GRID2: variants seen among roughly 807,000 people sequenced by gnomAD.
GRID2 encodes the protein glutamate ionotropic receptor delta type subunit 2.
In GRID2, 33 loss-of-function variants were observed where a neutral mutation model predicts 114.8. That is an observed-to-expected ratio of 0.29 (90% CI 0.22 to 0.38). The LOEUF (loss-of-function observed/expected upper bound fraction) is 0.38. Ranked by LOEUF, GRID2 falls within the 10% of genes least tolerant of loss-of-function variation. The probability of loss-of-function intolerance (pLI) is 1.00; values close to 1 mark genes in which losing one functional copy is unlikely to be tolerated. For synonymous variants in GRID2, 505 were observed against 449.9 expected (o/e 1.12, Z -1.55); for missense variants, 1,184 against 1,257.7 (o/e 0.94, Z 0.89).
intron 1 of GRID2, among the ~76,000 whole-genome samples, chr4:93,787,151 A>C (rs549458744): frequency 1.3e-5 from 2 of 151,998 alleles, no homozygotes; most frequent in East Asian, 3.9e-4. Flanking sequence ...AAGAGAGAAC[A>C]TGGAGGATTG....
chr4:92,987,405 G>A lies in GRID2; in HGVS notation c.245-97590G>A, dbSNP rs548245581. Among the ~76,000 whole-genome samples the A allele has an allele frequency of 6.9e-3, 1,043 of 152,100 alleles. 7 individuals are homozygous for A. The highest frequency in any genetic ancestry group is 0.02 in the Middle Eastern group (6 of 294). On this transcript the variant is annotated intron_variant, in intron 2 of 15. Transcript: ENST00000282020. ...TCAGTGAAATTGCCAGAACAGTGAG[G>A]TTCCTTTGTTTCAACAACTATTATT...
chr4:92,761,991 C>A (rs1484754614), intron 2 of GRID2, among the ~76,000 whole-genome samples: 2 of 152,066 alleles, frequency 1.3e-5, no homozygotes, highest in African/African-American at 4.8e-5. Context: ...TGCAGTGGCA[C>A]AATCTTGGCT....
chr4:93,791,927 A>C (rs973266577), intron 1 of GRID2, among the ~76,000 whole-genome samples: 14 of 152,180 alleles, frequency 9.2e-5, no homozygotes, highest in Non-Finnish European at 1.8e-4. Flanking sequence ...TTAACGATGA[A>C]TAAGCCCATC....
intron 10 of GRID2, among the ~76,000 whole-genome samples, chr4:93,452,007 A>T (rs1285827055): frequency 6.6e-6 from 1 of 152,186 alleles, no homozygotes; most frequent in African/African-American, 2.4e-5. Flanking sequence ...CAGAGCTCAG[A>T]TACACATCTA....
At position 93,368,923 on chromosome 4, in the gene GRID2, G is replaced by A. The variant is rs1417884695; in HGVS notation, c.1246-26684G>A. 4.6e-5 allele frequency among the ~76,000 whole-genome samples: 7 copies of A among 151,806 alleles called. No individual in the cohort carries two copies. In the East Asian group the frequency reaches 1.3e-3, roughly 29 times the overall value. ...TTTCATCTAAAAAGAGAGAGAGAAA[G>A]TTTTAGTTATTGATTCAACATGTAT... On this transcript the variant is annotated intron_variant, in intron 8 of 15. Transcript: ENST00000282020.
intron 8 of GRID2, among the ~76,000 whole-genome samples, chr4:93,309,189 ACCT>A (rs977884718): frequency 6.6e-6 from 1 of 151,998 alleles, no homozygotes; most frequent in African/African-American, 2.4e-5. Flanking sequence ...TTGTTTCCTC[ACCT>A]CCTAAAATAG....
chr4:92,765,767 C>T (rs1209952380), intron 2 of GRID2, among the ~76,000 whole-genome samples: 4 of 152,158 alleles, frequency 2.6e-5, no homozygotes, highest in Non-Finnish European at 5.9e-5. Context: ...GTGGTGCCCT[C>T]ACTTTATCCA....
intron 4 of GRID2, among the ~76,000 whole-genome samples, chr4:93,197,048 A>G (rs778381137): frequency 2.0e-5 from 3 of 152,162 alleles, no homozygotes; most frequent in Non-Finnish European, 2.9e-5. Flanking sequence ...TTTAAGGCAA[A>G]TAGTCATGGA....
intron 13 of GRID2, among the ~76,000 whole-genome samples, chr4:93,591,146 G>T (rs572475456): frequency 2.1e-5 from 3 of 142,272 alleles, no homozygotes; most frequent in African/African-American, 7.7e-5. Context: ...TTTTCAAAGG[G>T]AATGCTTCCA....
intron 2 of GRID2, among the ~76,000 whole-genome samples, chr4:92,942,668 C>A (rs376256823): frequency 1.3e-5 from 2 of 152,066 alleles, no homozygotes; most frequent in Non-Finnish European, 2.9e-5. Flanking sequence ...CTAGCCTTGA[C>A]GGTCTTTACA....
intron 2 of GRID2, among the ~76,000 whole-genome samples, chr4:92,905,428 CTAAA>C (rs913763967): frequency 6.6e-6 from 1 of 150,896 alleles, no homozygotes; most frequent in Admixed American, 6.6e-5. Flanking sequence ...AGGTAATAAA[CTAAA>C]TAACTACATT....
chr4:93,790,834 G>A (rs936479610), intron 1 of GRID2, among the ~76,000 whole-genome samples: 7 of 152,264 alleles, frequency 4.6e-5, no homozygotes, highest in Admixed American at 4.6e-4. Flanking sequence ...GCTACCCTAG[G>A]CAAGTTACTG....
At chr4:92,840,543 A>C (rs1022690851) in intron 2 of GRID2, among the ~76,000 whole-genome samples, 6 of 152,128 alleles carry the variant, frequency 3.9e-5, no homozygotes, top group African/African-American at 7.2e-5. Flanking sequence ...TTTGAAACTC[A>C]GTTACTTACA....
rs1377054674 is a variant in GRID2 at position 92,989,286 on chromosome 4, A to T, written c.245-95709A>T. The stretch of plus-strand genomic sequence containing the variant: ...AGCGAGACTCCATCTCAAAAAAAAA[A>T]AAAAAAAAAAAAAAAATAATAATAA... On this transcript the variant is annotated intron_variant, in intron 2 of 15. Transcript: ENST00000282020. Among the ~76,000 whole-genome samples the T allele has an allele frequency of 6.0e-4, 86 of 144,528 alleles. 1 individual carries two copies. The highest frequency in any genetic ancestry group is 2.2e-3 in the African/African-American group (84 of 38,704). The allele number at this position is 144,528 out of a possible 152,430, so 94.8% of individuals were successfully genotyped here.
In GRID2 at chr4:93,506,862, A is replaced by G. The variant is rs146074506; in HGVS notation, c.1998-8354A>G. 4.9e-3 allele frequency among the ~76,000 whole-genome samples: 748 copies of G among 152,248 alleles called. 5 individuals are homozygous for G. The highest frequency in any genetic ancestry group is 0.017 in the African/African-American group (708 of 41,568). ...TCCAAAGGCTTCTGCTGTGTTGAGG[A>G]GGAAGAGACTCTGGCACCATAACAG... On this transcript the variant is annotated intron_variant, in intron 12 of 15. Coordinates refer to ENST00000282020, the MANE Select transcript of GRID2 (RefSeq NM_001510.4).
At chr4:92,482,139 A>T (rs1237049216) in intron 1 of GRID2, among the ~76,000 whole-genome samples, 1 of 150,570 alleles carries the variant, frequency 6.6e-6, no homozygotes, top group Non-Finnish European at 1.5e-5. Flanking sequence ...CAGCCATAAA[A>T]AAACAGTGAA....
At chr4:92,711,183 T>C (rs1735227321) in intron 2 of GRID2, among the ~76,000 whole-genome samples, 1 of 152,228 alleles carries the variant, frequency 6.6e-6, no homozygotes, top group East Asian at 1.9e-4. Flanking sequence ...AGTAAAATTT[T>C]AAAATGAAGT....
At chr4:92,943,457 G>A (rs1477934468) in intron 2 of GRID2, among the ~76,000 whole-genome samples, 2 of 151,946 alleles carry the variant, frequency 1.3e-5, no homozygotes, top group Non-Finnish European at 2.9e-5. Context: ...TCTCTGCATT[G>A]GTTATTTTAT....
chr4:93,576,117 T>C (rs1736395566), intron 13 of GRID2, among the ~76,000 whole-genome samples: 1 of 152,216 alleles, frequency 6.6e-6, no homozygotes, highest in South Asian at 2.1e-4. Flanking sequence ...AAGGATATTT[T>C]GGTATTGCTT....
Sources: allele counts gnomAD v4.1 joint callset (sites outside exome capture counted in the v4.1 genomes callset), GRCh38; gene constraint gnomAD v4.1.1; transcripts MANE v1.5; gene names NCBI Gene and HGNC (gene_info 2026-07-23, HGNC 2026-07-21).